KIFBP: variants seen among roughly 807,000 people sequenced by gnomAD.
KIFBP encodes the protein KIF-binding protein.
A neutral mutation model predicts 58.9 loss-of-function variants in KIFBP; 46 were observed. The observed-to-expected ratio is 0.78, with a 90% CI of 0.62 to 1.00. The LOEUF (loss-of-function observed/expected upper bound fraction) is 1.00, where lower values mean the gene tolerates loss of function less well. Among genes scored for constraint, KIFBP ranks in the 50% least tolerant of loss-of-function variants. KIFBP has a pLI of 0.00. For missense variants in KIFBP, 651 were observed against 752.9 expected (o/e 0.86, Z 1.58); for synonymous variants, 241 against 283.4 (o/e 0.85, Z 1.50).
chr10:68,989,368 T>A, intron 1 of KIFBP, 110 bp downstream of exon 1: 1 of 1,208,930 alleles, frequency 8.3e-7, no homozygotes, highest in Non-Finnish European at 1.2e-6. Context: ...CGTCCCCACG[T>A]TTTTGTAGCT....
chr10:68,998,315 A>G (rs943104893), intron 1 of KIFBP, among the ~76,000 whole-genome samples: 1 of 152,222 alleles, frequency 6.6e-6, no homozygotes, highest in African/African-American at 2.4e-5. Context: ...AACACATTAT[A>G]TAATGTGTCT....
At position 69,015,136 on chromosome 10, in the gene KIFBP, C is replaced by A. The variant is rs953862616; in HGVS notation, c.991-405C>A. Among the ~76,000 whole-genome samples the A allele has an allele frequency of 4.6e-5, 7 of 152,146 alleles. No homozygotes were observed. In the East Asian group the frequency reaches 9.6e-4, roughly 21 times the overall value. On this transcript the variant is annotated intron_variant, in intron 6 of 6. Transcript: ENST00000361983. The stretch of plus-strand genomic sequence containing the variant: ...ACAGAGTTTCACTATGTTGGCCAGG[C>A]TGGTCTTCAACTCCTGACCTCGTGA...
chr10:69,015,774 G>A lies in KIFBP; in HGVS notation c.1224G>A (p.Glu408=), dbSNP rs757438349. 1 of 1,614,188 alleles carries A rather than the reference G, an allele frequency of 6.2e-7. No homozygotes were observed. The highest frequency in any genetic ancestry group is 1.1e-5 in the South Asian group (1 of 91,084). ...AGCACTATGTCTTTGAGGCAAAAGA[G>A]TTCTTTCAGATTGATGGTTATGTCA... is the stretch of plus-strand genomic sequence containing the variant. ...LGQHYVFEAK[E]FFQIDGYVTD... is the part of the protein sequence containing the mutation. The change falls in exon 7 of 7, where the codon GAG becomes GAA. Residue 408 remains glutamate, a synonymous_variant. Transcript: ENST00000361983.
At chr10:69,001,289 C>T (rs1016064477) in intron 2 of KIFBP, among the ~76,000 whole-genome samples, 1 of 152,148 alleles carries the variant, frequency 6.6e-6, no homozygotes, top group Non-Finnish European at 1.5e-5. Flanking sequence ...TTTTAGGGGT[C>T]TGGGGAGCCA....
At chr10:69,005,686 AAC>A in intron 3 of KIFBP, 44 bp from the exon 4 acceptor site, 1 of 1,469,368 alleles carries the variant, frequency 6.8e-7, no homozygotes. Context: ...AAAAAAAAAA[AAC>A]AAGTAAACCA....
At position 69,000,523 on chromosome 10, in the gene KIFBP, G is replaced by C. The variant is rs1359523417; in HGVS notation, c.525+1G>C. On this transcript the variant is annotated splice_donor_variant, in intron 2 of 6. Transcript: ENST00000361983. LOFTEE classifies it high-confidence loss of function. Reference sequence around the variant, plus strand: ...ACTATATAATCAGTATATGAAAGAGGTATGTTACATGTCAGATGAGTTTTA... The same window carrying C: ...ACTATATAATCAGTATATGAAAGAGCTATGTTACATGTCAGATGAGTTTTA... 6.4e-7 allele frequency: 1 copy of C among 1,552,148 alleles called. No homozygotes were observed.
At chr10:69,003,427 C>T (rs756468248) in intron 2 of KIFBP, among the ~76,000 whole-genome samples, 4 of 152,100 alleles carry the variant, frequency 2.6e-5, no homozygotes, top group African/African-American at 9.7e-5. Flanking sequence ...TGTTTACATC[C>T]AGAATGTAAA....
chr10:69,009,660 A>G (rs780424152), intron 5 of KIFBP, among the ~76,000 whole-genome samples: 9 of 152,342 alleles, frequency 5.9e-5, no homozygotes, highest in East Asian at 1.9e-4. Context: ...TTGGAATACT[A>G]CATGCATAAG....
At chr10:69,011,874 G>A (rs1843598161) in intron 6 of KIFBP, among the ~76,000 whole-genome samples, 1 of 149,124 alleles carries the variant, frequency 6.7e-6, no homozygotes, top group Non-Finnish European at 1.5e-5. Flanking sequence ...TCTTTTTAGT[G>A]TAGATGGGGT....
At chr10:69,011,101 TCAC>T in intron 6 of KIFBP, 86 bp downstream of exon 6, 1 of 863,314 alleles carries the variant, frequency 1.2e-6, no homozygotes, top group East Asian at 2.5e-5. Context: ...CTCATTGGGG[TCAC>T]ATTGTGTTTA....
chr10:68,992,976 G>T lies in KIFBP; in HGVS notation c.426+3718G>T, dbSNP rs79885795. ...ACTGAACCTCCACAGAGAGCATGTG[G>T]TGCCCCTGCCCTTTCAAGATAATTT... On this transcript the variant is annotated intron_variant, in intron 1 of 6. Transcript: ENST00000361983. Among the ~76,000 whole-genome samples the T allele has an allele frequency of 2.0e-5, 3 of 152,204 alleles. No homozygotes were observed. In the South Asian group the frequency reaches 6.2e-4, roughly 32 times the overall value.
intron 6 of KIFBP, among the ~76,000 whole-genome samples, chr10:69,014,522 A>G (rs760447118): frequency 1.1e-4 from 16 of 152,192 alleles, no homozygotes; most frequent in Non-Finnish European, 1.0e-4. Flanking sequence ...GGCTGGAGCA[A>G]TCAAGGCTTT....
chr10:68,989,306 GAT>G, intron 1 of KIFBP, 48 bp downstream of exon 1: 1 of 1,596,984 alleles, frequency 6.3e-7, no homozygotes. Context: ...AATGGCGAGG[GAT>G]GGGGAGGAGC....
chr10:69,011,683 CTTTTTTTTTT>C (rs34786287), intron 6 of KIFBP, among the ~76,000 whole-genome samples: 2 of 42,512 alleles, frequency 4.7e-5, no homozygotes, highest in Non-Finnish European at 8.6e-5. Flanking sequence ...TGTGCCTAAT[CTTTTTTTTTT>C]TTTTTTTTTT....
In KIFBP at chr10:69,008,924, C is replaced by T. The variant is rs111997538; in HGVS notation, c.873C>T (p.Asp291=). The change falls in exon 5 of 7, where the codon GAC becomes GAT. Residue 291 remains aspartate (D), a splice_region_variant and synonymous_variant. Coordinates refer to ENST00000361983, the MANE Select transcript of KIFBP (RefSeq NM_015634.4). ...GQTGKISATE[D]TPEAEGEVPE... The stretch of plus-strand genomic sequence containing the variant: ...CTGGAAAGATCTCAGCCACAGAAGA[C>T]AGTAAGTTTACCTTTGCATGTTTTA... 2 of 1,609,342 alleles carry T rather than the reference C, an allele frequency of 1.2e-6. No individual in the cohort carries two copies. Among genetic ancestry groups the T allele is most frequent in the African/African-American group, 2.7e-5 (2 of 74,898 alleles).
intron 5 of KIFBP, 41 bp downstream of exon 5, chr10:69,008,966 A>G (rs1361289142): frequency 1.1e-5 from 17 of 1,512,894 alleles, no homozygotes; most frequent in Non-Finnish European, 1.5e-5. Flanking sequence ...TTTTAAAAAA[A>G]GTTTTATTTT....
At position 69,010,928 on chromosome 10, in the gene KIFBP, G is replaced by A; in HGVS notation, c.903G>A (p.Glu301=). 1 of 1,613,990 alleles carries A rather than the reference G, an allele frequency of 6.2e-7. No homozygotes were observed. The highest frequency in any genetic ancestry group is 8.5e-7 in the Non-Finnish European group (1 of 1,179,886). Residue 301 remains glutamate (E), a synonymous_variant, in exon 6 of 7, where the codon GAG becomes GAA. Coordinates refer to ENST00000361983, the MANE Select transcript of KIFBP (RefSeq NM_015634.4). ...DTPEAEGEVP[E]LYHQRKGEIA... Reference sequence around the variant, plus strand: ...CTGAAGCTGAAGGAGAAGTGCCAGAGCTTTATCATCAAAGAAAGGGGGAAA... The same window carrying A: ...CTGAAGCTGAAGGAGAAGTGCCAGAACTTTATCATCAAAGAAAGGGGGAAA...
chr10:69,006,717 A>G (rs908301152), intron 4 of KIFBP: 29 of 152,228 alleles, frequency 1.9e-4, no homozygotes, highest in Non-Finnish European at 4.0e-4. Flanking sequence ...TTCTCTGCTT[A>G]TCAGAGTTCC....
At chr10:68,999,103 TG>T (rs1173571270) in intron 1 of KIFBP, among the ~76,000 whole-genome samples, 1 of 145,668 alleles carries the variant, frequency 6.9e-6, no homozygotes, top group East Asian at 2.1e-4. Flanking sequence ...TTTTTGGTTT[TG>T]GTTTTGTTTT....
Sources: gnomAD v4.1 joint callset for allele counts (sites outside exome capture counted in the v4.1 genomes callset) on GRCh38, gnomAD v4.1.1 for gene constraint, MANE v1.5 for transcripts, NCBI Gene and HGNC (gene_info 2026-07-23, HGNC 2026-07-21) for gene names.